AKAP19: variants seen among roughly 807,000 people sequenced by gnomAD.
AKAP19 encodes the protein A-kinase anchoring protein 19.
chr2:190,148,953 C>CTTTTTTTTTT, the AKAP19 span, among the ~76,000 whole-genome samples: 6 of 134,078 alleles, frequency 4.5e-5, no homozygotes, highest in African/African-American at 1.7e-4. Flanking sequence ...TCTTTTCTTT[C>CTTTTTTTTTT]TTTTTTTTTT....
the AKAP19 span, among the ~76,000 whole-genome samples, chr2:189,975,463 A>G: frequency 6.6e-6 from 1 of 151,880 alleles, no homozygotes; most frequent in Non-Finnish European, 1.5e-5. Flanking sequence ...TGTGTCTTGG[A>G]GTTGCTCTTC....
At chr2:189,888,888 CAG>C in the AKAP19 span, among the ~76,000 whole-genome samples, 5 of 152,300 alleles carry the variant, frequency 3.3e-5, no homozygotes, top group East Asian at 3.9e-4. Context: ...CATCTGCAAA[CAG>C]GGACAATTTG....
At chr2:190,115,566 G>C in the AKAP19 span, among the ~76,000 whole-genome samples, 4 of 150,392 alleles carry the variant, frequency 2.7e-5, no homozygotes, top group African/African-American at 9.8e-5. Context: ...TGATCCGCCC[G>C]CCTCGGCCTC....
the AKAP19 span, among the ~76,000 whole-genome samples, chr2:190,182,925 T>G: frequency 6.6e-6 from 1 of 152,292 alleles, no homozygotes; most frequent in African/African-American, 2.4e-5. Flanking sequence ...TCTGTATGGT[T>G]TGCAGTTTGT....
chr2:190,060,262 C>G, the AKAP19 span: 33 of 1,612,978 alleles, frequency 2.0e-5, no homozygotes, highest in South Asian at 3.3e-5. Context: ...TACCTTGTAC[C>G]GTCTTTCATA....
chr2:190,192,127 A>ATAAAG, the AKAP19 span, among the ~76,000 whole-genome samples: 3 of 152,224 alleles, frequency 2.0e-5, no homozygotes, highest in East Asian at 3.9e-4. Flanking sequence ...TAATTTTTCT[A>ATAAAG]TAAAGTATAA....
At chr2:190,084,151 G>A in the AKAP19 span, among the ~76,000 whole-genome samples, 1 of 148,298 alleles carries the variant, frequency 6.7e-6, no homozygotes, top group Non-Finnish European at 1.5e-5. Flanking sequence ...AGAGTGCAGT[G>A]GCATGGTCTC....
chr2:190,070,103 A>C, the AKAP19 span, among the ~76,000 whole-genome samples: 1 of 152,194 alleles, frequency 6.6e-6, no homozygotes, highest in Non-Finnish European at 1.5e-5. Flanking sequence ...TTCCTGGGTC[A>C]GTGCCACAGT....
the AKAP19 span, among the ~76,000 whole-genome samples, chr2:190,175,462 AT>A: frequency 2.0e-5 from 3 of 152,248 alleles, no homozygotes; most frequent in Admixed American, 2.0e-4. Flanking sequence ...CTATTCCACA[AT>A]AGTCTCATGC....
the AKAP19 span, among the ~76,000 whole-genome samples, chr2:190,190,926 G>C: frequency 6.6e-6 from 1 of 151,974 alleles, no homozygotes; most frequent in African/African-American, 2.4e-5. Flanking sequence ...CTGCCCTTTT[G>C]GTCACAGTCT....
the AKAP19 span, among the ~76,000 whole-genome samples, chr2:190,177,969 C>A: frequency 6.6e-6 from 1 of 152,136 alleles, no homozygotes; most frequent in Non-Finnish European, 1.5e-5. The surrounding 1 kb of genome is among the most constrained non-coding windows in gnomAD (Gnocchi z 4.6). Flanking sequence ...TTGCTACGGC[C>A]CCTCACCCTA....
the AKAP19 span, among the ~76,000 whole-genome samples, chr2:190,031,856 A>G: frequency 2.0e-5 from 3 of 152,232 alleles, no homozygotes; most frequent in East Asian, 5.8e-4. Context: ...AGTTTTTTAA[A>G]AAAAATTTCT....
At chr2:189,944,006 ACTT>A in the AKAP19 span, among the ~76,000 whole-genome samples, 23 of 152,236 alleles carry the variant, frequency 1.5e-4, no homozygotes, top group East Asian at 2.1e-3. Flanking sequence ...CTCAGAAGAG[ACTT>A]TGGACTTTTG....
the AKAP19 span, among the ~76,000 whole-genome samples, chr2:190,183,219 G>A: frequency 6.6e-6 from 1 of 152,050 alleles, no homozygotes; most frequent in African/African-American, 2.4e-5. Context: ...TGCCTTTCAG[G>A]GTGGTTGTTA....
the AKAP19 span, among the ~76,000 whole-genome samples, chr2:190,162,378 C>A: frequency 2.6e-5 from 4 of 152,096 alleles, no homozygotes; most frequent in East Asian, 3.8e-4. Flanking sequence ...GAGTTAAAAT[C>A]TTTTGAAGGA....
the AKAP19 span, among the ~76,000 whole-genome samples, chr2:189,971,252 C>T: frequency 3.3e-5 from 5 of 152,140 alleles, no homozygotes; most frequent in Middle Eastern, 3.4e-3. Context: ...TTTGTCCTTG[C>T]GATAGTTTGC....
At chr2:190,163,291 G>A in the AKAP19 span, among the ~76,000 whole-genome samples, 7 of 151,796 alleles carry the variant, frequency 4.6e-5, no homozygotes, top group East Asian at 5.8e-4. Flanking sequence ...AAAATTAGCC[G>A]GGCGTGTTGG....
chr2:190,016,897 A>C, the AKAP19 span, among the ~76,000 whole-genome samples: 1 of 152,166 alleles, frequency 6.6e-6, no homozygotes. Context: ...GAGGTCCTTC[A>C]CTACTATTGT....
chr2:190,153,054 C>T, the AKAP19 span, among the ~76,000 whole-genome samples: 1 of 152,082 alleles, frequency 6.6e-6, no homozygotes, highest in Admixed American at 6.6e-5. Flanking sequence ...CACCACGACG[C>T]CCGGCTAATT....
Sources: gnomAD v4.1 joint callset for allele counts (sites outside exome capture counted in the v4.1 genomes callset) on GRCh38, gnomAD v4.1.1 for gene constraint, Gnocchi (gnomAD v3.1) non-coding constraint, MANE v1.5 for transcripts, NCBI Gene and HGNC (gene_info 2026-07-23, HGNC 2026-07-21) for gene names.